Variants in ADGRA3 observed in about 807,000 individuals in gnomAD.
ADGRA3 encodes adhesion G protein-coupled receptor A3.
ADGRA3 carries 56 observed loss-of-function variants against 119.8 expected under a neutral mutation model. The observed-to-expected ratio is 0.47, with a 90% CI of 0.38 to 0.58. The LOEUF is 0.58. ADGRA3 is among the 20% of genes least tolerant of loss of function. The probability of loss-of-function intolerance (pLI) is 0.00; values close to 1 mark genes in which losing one functional copy is unlikely to be tolerated. For synonymous variants in ADGRA3, 607 were observed against 623.8 expected (o/e 0.97, Z 0.40); for missense variants, 1,516 against 1,649.0 (o/e 0.92, Z 1.40).
chr4:22,443,407 C>T (rs977672201), intron 6 of ADGRA3, among the ~76,000 whole-genome samples: 1 of 151,948 alleles, frequency 6.6e-6, no homozygotes, highest in Non-Finnish European at 1.5e-5. Flanking sequence ...AATATATGTA[C>T]AAAAATGTAC....
intron 10 of ADGRA3, among the ~76,000 whole-genome samples, chr4:22,426,667 A>C (rs1317062984): frequency 6.6e-6 from 1 of 152,206 alleles, no homozygotes; most frequent in Non-Finnish European, 1.5e-5. Context: ...TATGCAGAGA[A>C]ATATAGGATA....
At position 22,467,553 on chromosome 4, in the gene ADGRA3, G is replaced by A. The variant is rs1257486063; in HGVS notation, c.330-5745C>T. ...ACAGGAACTGAGTTAGTTAGCTAAAGCAGTACATCAATTTGGAGTCAATGA... is the reference window on the plus strand; with the variant it reads ...ACAGGAACTGAGTTAGTTAGCTAAAACAGTACATCAATTTGGAGTCAATGA... On this transcript the variant is annotated intron_variant, in intron 2 of 18. Transcript: ENST00000334304. 3.3e-5 allele frequency among the ~76,000 whole-genome samples: 5 copies of A among 152,260 alleles called. No individual in the cohort carries two copies. The East Asian group carries it at 9.7e-4, about 29-fold the overall frequency.
At chr4:22,506,463 G>A (rs181993019) in intron 1 of ADGRA3, among the ~76,000 whole-genome samples, 29 of 152,298 alleles carry the variant, frequency 1.9e-4, no homozygotes, top group Middle Eastern at 6.8e-3. Flanking sequence ...TGAGGCACAA[G>A]AATCACTTGA....
chr4:22,497,592 C>A (rs997176871), intron 1 of ADGRA3, among the ~76,000 whole-genome samples: 1 of 151,844 alleles, frequency 6.6e-6, no homozygotes, highest in Non-Finnish European at 1.5e-5. Context: ...GAAGCCAAGG[C>A]GGGAAGATCA....
intron 14 of ADGRA3, among the ~76,000 whole-genome samples, chr4:22,406,114 G>C (rs974012067): frequency 1.2e-4 from 19 of 152,036 alleles, no homozygotes; most frequent in Non-Finnish European, 1.6e-4. Context: ...TAACTTCCAG[G>C]CTCATCCATG....
chr4:22,431,529 C>A (rs553462888), intron 10 of ADGRA3, among the ~76,000 whole-genome samples: 1 of 152,188 alleles, frequency 6.6e-6, no homozygotes, highest in Non-Finnish European at 1.5e-5. Context: ...GAATAAGTCT[C>A]ACAAAATCTG....
chr4:22,455,836 G>A (rs1201240137), intron 3 of ADGRA3: 1 of 1,287,334 alleles, frequency 7.8e-7, no homozygotes, highest in African/African-American at 1.5e-5. Context: ...TCGCATCATT[G>A]TTTTCAGTGG....
intron 16 of ADGRA3, among the ~76,000 whole-genome samples, chr4:22,397,499 G>A (rs762278668): frequency 1.3e-5 from 2 of 152,058 alleles, no homozygotes; most frequent in Non-Finnish European, 1.5e-5. Context: ...AGAGCTTAGA[G>A]TTCAGAGATA....
At chr4:22,425,942 C>A (rs1426398571) in intron 10 of ADGRA3, among the ~76,000 whole-genome samples, 2 of 152,296 alleles carry the variant, frequency 1.3e-5, no homozygotes, top group Non-Finnish European at 2.9e-5. Flanking sequence ...AGCCTGAACA[C>A]TTCACCTCTT....
chr4:22,464,649 C>T (rs1717591008), intron 2 of ADGRA3, among the ~76,000 whole-genome samples: 1 of 152,224 alleles, frequency 6.6e-6, no homozygotes, highest in South Asian at 2.1e-4. Context: ...GCAACTCTTC[C>T]CCATGCAGCT....
intron 1 of ADGRA3, among the ~76,000 whole-genome samples, chr4:22,513,870 A>AAAAAAAAAAAAAC (rs1560356106): frequency 1.0e-5 from 1 of 95,612 alleles, no homozygotes. Flanking sequence ...AAAAAAAAAA[A>AAAAAAAAAAAAAC]AAAACTGGAT....
intron 3 of ADGRA3, among the ~76,000 whole-genome samples, chr4:22,458,023 T>G (rs1717301475): frequency 6.6e-6 from 1 of 152,220 alleles, no homozygotes; most frequent in African/African-American, 2.4e-5. Context: ...GACCTGACAG[T>G]ATTATTTCAC....
rs142918924 is a variant in ADGRA3 at position 22,511,011 on chromosome 4, G to A, written c.257+4517C>T. ...CTGGTGATGTCCAAAATAATTATTA[G>A]TTCTTTGATAACAAACATGAAGAAC... On this transcript the variant is annotated intron_variant, in intron 1 of 18. Coordinates refer to ENST00000334304, the MANE Select transcript of ADGRA3 (RefSeq NM_145290.4). Among the ~76,000 whole-genome samples the A allele has an allele frequency of 1.6e-3, 248 of 152,288 alleles. 6 individuals carry two copies. The South Asian group carries it at 0.025, about 15-fold the overall frequency.
chr4:22,402,651 A>G, intron 15 of ADGRA3, 24 bp downstream of exon 15: 3 of 1,604,476 alleles, frequency 1.9e-6, no homozygotes, highest in Non-Finnish European at 2.5e-6. Flanking sequence ...CCGCAGATCT[A>G]TTTTGTCGAG....
chr4:22,443,042 C>T lies in ADGRA3; in HGVS notation c.707-179G>A, dbSNP rs535430656. On this transcript the variant is annotated intron_variant, in intron 6 of 18. Coordinates refer to ENST00000334304, the MANE Select transcript of ADGRA3 (RefSeq NM_145290.4). Reference sequence around the variant, plus strand: ...TGAGTTTAGTGATAACAGATTAAAACAAAATTAAAAAGAAACAATTTCATA... The same window carrying T: ...TGAGTTTAGTGATAACAGATTAAAATAAAATTAAAAAGAAACAATTTCATA... 1.9e-5 allele frequency: 13 copies of T among 681,994 alleles called. No individual in the cohort carries two copies. In the Admixed American group the frequency reaches 2.0e-4, roughly 10 times the overall value. The allele number at this position is 681,994 out of a possible 1,614,324, so 42.2% of individuals were successfully genotyped here. A position where few individuals can be genotyped will look rare whatever the true frequency, so the allele number is the denominator to read the frequency against.
intron 15 of ADGRA3, among the ~76,000 whole-genome samples, chr4:22,402,017 T>C (rs1714683712): frequency 6.6e-6 from 1 of 152,222 alleles, no homozygotes; most frequent in Admixed American, 6.5e-5. Context: ...GTCTTTCTTT[T>C]TAGTAATATA....
At chr4:22,448,155 T>C (rs1716896290) in intron 4 of ADGRA3, among the ~76,000 whole-genome samples, 1 of 152,152 alleles carries the variant, frequency 6.6e-6, no homozygotes, top group Non-Finnish European at 1.5e-5. Context: ...GAGTGGTTTG[T>C]TACACCCAAA....
chr4:22,415,564 A>G (rs1715393863), intron 12 of ADGRA3, among the ~76,000 whole-genome samples: 1 of 152,210 alleles, frequency 6.6e-6, no homozygotes, highest in Non-Finnish European at 1.5e-5. Flanking sequence ...AAAACAGATT[A>G]GTTAAAAGTT....
chr4:22,399,138 T>A (rs1338710809), intron 16 of ADGRA3, among the ~76,000 whole-genome samples: 1 of 152,164 alleles, frequency 6.6e-6, no homozygotes, highest in Non-Finnish European at 1.5e-5. Flanking sequence ...TCTGCACACA[T>A]GTGCTGAACC....
Sources: allele counts gnomAD v4.1 joint callset (sites outside exome capture counted in the v4.1 genomes callset), GRCh38; gene constraint gnomAD v4.1.1; transcripts MANE v1.5; gene names NCBI Gene and HGNC (gene_info 2026-07-23, HGNC 2026-07-21).